Variants in CUBN observed in about 807,000 individuals in gnomAD.
CUBN encodes the protein cubilin, also known as 460 kDa receptor.
In CUBN, 282 loss-of-function variants were observed where a neutral mutation model predicts 405.3. The ratio of observed to expected loss-of-function variants is 0.70; its 90% CI spans 0.63 to 0.77. CUBN has a LOEUF of 0.77. Among genes scored for constraint, CUBN ranks in the 30% least tolerant of loss-of-function variants. The pLI is 0.00. For missense variants in CUBN, 4,514 were observed against 4,475.2 expected (o/e 1.01, Z -0.25); for synonymous variants, 1,684 against 1,617.0 (o/e 1.04, Z -0.99).
intron 39 of CUBN, among the ~76,000 whole-genome samples, chr10:16,934,261 G>A (rs1298393825): frequency 1.3e-5 from 2 of 152,120 alleles, no homozygotes; most frequent in Non-Finnish European, 2.9e-5. Flanking sequence ...TATTTCCAGA[G>A]TTCTCAAAAA....
At chr10:16,936,963 TA>T (rs1842525255) in intron 39 of CUBN, among the ~76,000 whole-genome samples, 1 of 152,106 alleles carries the variant, frequency 6.6e-6, no homozygotes, top group African/African-American at 2.4e-5. Context: ...GTGATCCGTC[TA>T]CCTCTGCCTC....
In CUBN at chr10:16,933,707, C is replaced by T. The variant is rs1317084179; in HGVS notation, c.5927-423G>A. Among the ~76,000 whole-genome samples the T allele has an allele frequency of 5.3e-5, 8 of 151,954 alleles. No individual in the cohort carries two copies. In the East Asian group the frequency reaches 9.7e-4, roughly 18 times the overall value. On this transcript the variant is annotated intron_variant, in intron 39 of 66. Transcript: ENST00000377833. ...TTGAGTTGACAGATTAGGTCCTTCT[C>T]GGGGTCTATTTTTGGGCATGTGCAC...
At chr10:16,935,651 G>C (rs1362019933) in intron 39 of CUBN, among the ~76,000 whole-genome samples, 1 of 151,984 alleles carries the variant, frequency 6.6e-6, no homozygotes, top group African/African-American at 2.4e-5. Flanking sequence ...AGGCCGAGGT[G>C]GGCAGATCAT....
chr10:16,906,332 T>C lies in CUBN; in HGVS notation c.7783A>G (p.Arg2595Gly), dbSNP rs752964563. 3.1e-6 allele frequency: 5 copies of C among 1,614,038 alleles called. No homozygotes were observed. The highest frequency in any genetic ancestry group is 4.2e-6 in the Non-Finnish European group (5 of 1,179,878). The change falls in exon 50 of 67, where the codon AGA becomes GGA. Residue 2595 changes from arginine to glycine, a missense_variant. Transcript: ENST00000377833. ...AGAGTCCATTCGCAGTTCAGGTTTC[T>C]TGAGTAATTCCTGACTCCGTCATAG... ...PGYDGVRNYS[R>G]NLNCEWTLSN...
intron 50 of CUBN, among the ~76,000 whole-genome samples, chr10:16,904,379 A>G (rs1268732393): frequency 2.0e-5 from 3 of 152,232 alleles, no homozygotes; most frequent in South Asian, 2.1e-4. Flanking sequence ...TTGTGTTTTC[A>G]TAGTTATTTC....
chr10:17,107,537 G>A (rs1047259319), intron 10 of CUBN, among the ~76,000 whole-genome samples: 9 of 125,080 alleles, frequency 7.2e-5, no homozygotes, highest in Admixed American at 1.0e-4. Context: ...TCGCTCTGTC[G>A]CCCAGGCTGG....
At chr10:17,092,519 A>G (rs1352687850) in intron 14 of CUBN, among the ~76,000 whole-genome samples, 1 of 152,162 alleles carries the variant, frequency 6.6e-6, no homozygotes, top group Non-Finnish European at 1.5e-5. Context: ...CCTTGTTGAT[A>G]AAACAGGATG....
intron 10 of CUBN, among the ~76,000 whole-genome samples, chr10:17,106,180 G>C (rs1836625397): frequency 6.6e-6 from 1 of 152,038 alleles, no homozygotes; most frequent in Admixed American, 6.6e-5. Context: ...AGCTACTTGG[G>C]AGGGTGAGGC....
chr10:16,963,438 C>T (rs886414138), intron 31 of CUBN, among the ~76,000 whole-genome samples: 2 of 152,032 alleles, frequency 1.3e-5, no homozygotes, highest in African/African-American at 4.8e-5. Context: ...CCATCCACCT[C>T]AGCCTCCCAA....
In CUBN at chr10:16,925,608, AG is replaced by A. The variant is rs764074229; in HGVS notation, c.6437del (p.Ser2146PhefsTer10). ...QPFQIPNGDSSCNQGDYLVLR... is the reference protein window; with the variant it reads ...QPFQIPNGDSXCNQGDYLVLR... ...CCACCAAGTAATCCCCCTGGTTGCA[AG>A]AAGAATCTCCATTTGGAATCTGGAA... On this transcript the variant is annotated frameshift_variant, in exon 42 of 67. Coordinates refer to ENST00000377833, the MANE Select transcript of CUBN (RefSeq NM_001081.4). LOFTEE classifies it high-confidence loss of function. The A allele has an allele frequency of 1.2e-6, 2 of 1,613,932 alleles. No individual in the cohort carries two copies. Among genetic ancestry groups the A allele is most frequent in the Non-Finnish European group, 1.7e-6 (2 of 1,179,982 alleles).
rs1016721532 is a variant in CUBN at position 16,934,804 on chromosome 10, A to G, written c.5927-1520T>C. 1.1e-4 allele frequency among the ~76,000 whole-genome samples: 17 copies of G among 152,344 alleles called. 5 individuals are homozygous for G. The highest frequency in any genetic ancestry group is 2.0e-4 in the Admixed American group (3 of 15,302). On this transcript the variant is annotated intron_variant, in intron 39 of 66. Coordinates refer to ENST00000377833, the MANE Select transcript of CUBN (RefSeq NM_001081.4). ...GCCTACTGCCATGGTCTCAGGCAAT[A>G]TCGCAGACAATGGCAGCTCCAACAG...
intron 22 of CUBN, among the ~76,000 whole-genome samples, chr10:17,058,178 C>A (rs1442314001): frequency 2.6e-5 from 4 of 151,914 alleles, no homozygotes; most frequent in Non-Finnish European, 4.4e-5. Flanking sequence ...TTCACAGCTG[C>A]CTTTTGCACA....
chr10:16,956,620 G>T (rs994205285), intron 31 of CUBN, among the ~76,000 whole-genome samples: 1 of 151,800 alleles, frequency 6.6e-6, no homozygotes, highest in African/African-American at 2.4e-5. Context: ...CTGTCCTAAG[G>T]TTATAGATAC....
chr10:16,836,619 C>G (rs565843285), intron 62 of CUBN, among the ~76,000 whole-genome samples: 1 of 152,230 alleles, frequency 6.6e-6, no homozygotes, highest in Non-Finnish European at 1.5e-5. Flanking sequence ...ACAGACATTT[C>G]CCTGCTGAAA....
Position 17,105,539 on chromosome 10 carries a change from G to C in CUBN, c.1148C>G (p.Thr383Ser). Reference sequence around the variant, plus strand: ...TCCATTTGGCCCATAACCATTTCCAGTATAACCCGGGAGACACGTGCAGAG... The same window carrying C: ...TCCATTTGGCCCATAACCATTTCCACTATAACCCGGGAGACACGTGCAGAG... ...LPLCTCLPGY[T>S]GNGYGPNGCV... Residue 383 changes from threonine (T) to serine (S), a missense_variant, in exon 11 of 67, where the codon ACT (threonine) becomes AGT (serine). Physicochemically the swap from Thr to Ser is moderately conservative, Grantham distance 58. Around this residue, in one of 5 missense-constraint regions of CUBN, gnomAD observed 1,448 missense variants for 1,388.0 expected, o/e 1.04. Transcript: ENST00000377833. 6.2e-7 allele frequency: 1 copy of C among 1,611,220 alleles called. No homozygotes were observed. Among genetic ancestry groups the C allele is most frequent in the Non-Finnish European group, 8.5e-7 (1 of 1,177,394 alleles).
chr10:16,941,434 T>C (rs1424120549), intron 36 of CUBN, among the ~76,000 whole-genome samples: 1 of 152,188 alleles, frequency 6.6e-6, no homozygotes, highest in Admixed American at 6.6e-5. Context: ...AGAAAAATCT[T>C]TGTGACCTTG....
At chr10:17,117,162 CT>C in intron 6 of CUBN, among the ~76,000 whole-genome samples, 1 of 151,966 alleles carries the variant, frequency 6.6e-6, no homozygotes, top group South Asian at 2.1e-4. Flanking sequence ...TCTCTCTCTA[CT>C]TTCCTTCTCA....
intron 28 of CUBN, among the ~76,000 whole-genome samples, chr10:16,999,032 T>C (rs1326928481): frequency 6.6e-6 from 1 of 152,228 alleles, no homozygotes; most frequent in Admixed American, 6.5e-5. Context: ...CGGGTTTCAA[T>C]GGTAGAGATA....
intron 14 of CUBN, among the ~76,000 whole-genome samples, chr10:17,096,274 A>G (rs1836373732): frequency 6.6e-6 from 1 of 152,108 alleles, no homozygotes; most frequent in Non-Finnish European, 1.5e-5. Context: ...CTGACAGTAG[A>G]TCTTAAATAT....
Sources: gnomAD v4.1 joint callset for allele counts (sites outside exome capture counted in the v4.1 genomes callset) on GRCh38, gnomAD v4.1.1 for gene constraint, gnomAD v4.1.1 regional missense constraint, MANE v1.5 for transcripts, NCBI Gene and HGNC (gene_info 2026-07-23, HGNC 2026-07-21) for gene names.